Variants in ST8SIA4 observed in about 807,000 individuals in gnomAD.
ST8SIA4 encodes the protein ST8 alpha-N-acetyl-neuraminide alpha-2,8-sialyltransferase 4.
ST8SIA4 carries 15 observed loss-of-function variants against 33.9 expected under a neutral mutation model. The ratio of observed to expected loss-of-function variants is 0.44; its 90% CI spans 0.30 to 0.68. The LOEUF is 0.68. Among genes scored for constraint, ST8SIA4 ranks in the 30% least tolerant of loss-of-function variants. The probability of loss-of-function intolerance (pLI) is 0.10; values close to 1 mark genes in which losing one functional copy is unlikely to be tolerated. For missense variants in ST8SIA4, 321 were observed against 428.0 expected, an observed-to-expected ratio of 0.75 and a Z score of 2.21; for synonymous variants, 171 against 151.2, an observed-to-expected ratio of 1.13 and a Z score of -0.96.
rs187562582 is a variant in ST8SIA4 at position 100,866,171 on chromosome 5, T to C, written c.504-9775A>G. Among the ~76,000 whole-genome samples the C allele has an allele frequency of 2.2e-4, 33 of 152,288 alleles. No homozygotes were observed. In the East Asian group the frequency reaches 6.4e-3, roughly 29 times the overall value. On this transcript the variant is annotated intron_variant, in intron 3 of 4. Coordinates refer to ENST00000231461, the MANE Select transcript of ST8SIA4 (RefSeq NM_005668.6). ...TGACACAATGTTAACATAGTGTCTG[T>C]CTCTCAATGAATTTATCACACTGTG...
chr5:100,846,840 G>C (rs1300413765), intron 4 of ST8SIA4, among the ~76,000 whole-genome samples: 1 of 152,090 alleles, frequency 6.6e-6, no homozygotes, highest in East Asian at 1.9e-4. Flanking sequence ...GTTTTCCATA[G>C]GTTCCAGTTT....
At chr5:100,893,449 T>C (rs1273115089) in intron 2 of ST8SIA4, among the ~76,000 whole-genome samples, 1 of 152,152 alleles carries the variant, frequency 6.6e-6, no homozygotes, top group Non-Finnish European at 1.5e-5. Context: ...AGGAGAACCA[T>C]ACAAAAATAG....
At chr5:100,834,010 G>C (rs1410229473) in intron 4 of ST8SIA4, among the ~76,000 whole-genome samples, 2 of 152,112 alleles carry the variant, frequency 1.3e-5, no homozygotes, top group Admixed American at 6.5e-5. Context: ...TGTTGAATAA[G>C]TGAATGAAAG....
In ST8SIA4 at chr5:100,849,309, C is replaced by T. The variant is rs1038494512; in HGVS notation, c.797+6794G>A. On this transcript the variant is annotated intron_variant, in intron 4 of 4. Coordinates refer to ENST00000231461, the MANE Select transcript of ST8SIA4 (RefSeq NM_005668.6). ...TAAATCTGACACTCAAGGATTTAAA[C>T]AGTCTTGTCTAAAGTCAGAATAGGA... The T allele has an allele frequency of 7.9e-5, 78 of 985,352 alleles. No homozygotes were observed. The African/African-American group carries it at 1.3e-3, about 17-fold the overall frequency. 61.0% of individuals were successfully genotyped at this position (985,352 alleles called of 1,614,324 possible).
At chr5:100,900,437 T>C (rs771960270) in intron 1 of ST8SIA4, 5 of 456,264 alleles carry the variant, frequency 1.1e-5, no homozygotes, top group South Asian at 7.7e-5. Flanking sequence ...TTGATGGTTT[T>C]ATGAGTCAAC....
chr5:100,889,913 T>C (rs73777437), intron 2 of ST8SIA4, among the ~76,000 whole-genome samples: 3,924 of 151,938 alleles, frequency 0.026, 55 homozygotes, highest in African/African-American at 0.036. Context: ...CATAGACTAA[T>C]CAAAATATAA....
rs376655369 is a variant in ST8SIA4 at position 100,902,967 on chromosome 5, G to A, written c.-12C>T. On this transcript the variant is annotated 5_prime_UTR_variant, in exon 1 of 5. Coordinates refer to ENST00000231461, the MANE Select transcript of ST8SIA4 (RefSeq NM_005668.6). ...CTAATGGAGCGCATCTTGGGTGCCC[G>A]AGAAAGTCCTGGTTGCCCCAGCTCC... The A allele has an allele frequency of 6.5e-5, 104 of 1,607,260 alleles. No homozygotes were observed. In the African/African-American group the frequency reaches 1.3e-3, roughly 20 times the overall value.
chr5:100,824,558 C>T (rs1240186452), intron 4 of ST8SIA4, among the ~76,000 whole-genome samples: 5 of 151,748 alleles, frequency 3.3e-5, no homozygotes, highest in Non-Finnish European at 4.4e-5. Flanking sequence ...AAAAAAAAGG[C>T]TTTTTATTTT....
intron 4 of ST8SIA4, among the ~76,000 whole-genome samples, chr5:100,853,530 A>G (rs1463665665): frequency 6.6e-6 from 1 of 152,170 alleles, no homozygotes; most frequent in Admixed American, 6.5e-5. Context: ...ATAGTAACCA[A>G]AAAAAGCATA....
chr5:100,867,885 T>C (rs1752104593), intron 3 of ST8SIA4, among the ~76,000 whole-genome samples: 1 of 151,636 alleles, frequency 6.6e-6, no homozygotes, highest in African/African-American at 2.4e-5. Flanking sequence ...CAAAAATGAG[T>C]TTCAATTTCT....
At chr5:100,864,574 C>CAAAAAAAAAAAAAAAAAAAAAAAAAA (rs201029430) in intron 3 of ST8SIA4, among the ~76,000 whole-genome samples, 1 of 69,382 alleles carries the variant, frequency 1.4e-5, no homozygotes, top group Non-Finnish European at 2.6e-5. Context: ...GACTCCGGCT[C>CAAAAAAAAAAAAAAAAAAAAAAAAAA]AAAAAAAAAA....
At chr5:100,862,206 T>C (rs1387063045) in intron 3 of ST8SIA4, among the ~76,000 whole-genome samples, 1 of 152,102 alleles carries the variant, frequency 6.6e-6, no homozygotes, top group Non-Finnish European at 1.5e-5. Flanking sequence ...TTTGACTCCA[T>C]AGGCAGTGTG....
intron 2 of ST8SIA4, among the ~76,000 whole-genome samples, chr5:100,893,922 A>C (rs563733819): frequency 1.3e-5 from 2 of 152,062 alleles, no homozygotes; most frequent in African/African-American, 4.8e-5. Flanking sequence ...TTAATCACCT[A>C]TCTCTCTCTC....
chr5:100,857,568 A>G (rs995741973), intron 3 of ST8SIA4, among the ~76,000 whole-genome samples: 2 of 151,984 alleles, frequency 1.3e-5, no homozygotes, highest in Admixed American at 6.6e-5. Context: ...TTTCAAGGGA[A>G]GGGATTTTCT....
chr5:100,819,324 A>G (rs1156587988), intron 4 of ST8SIA4, among the ~76,000 whole-genome samples: 1 of 152,204 alleles, frequency 6.6e-6, no homozygotes, highest in East Asian at 1.9e-4. Context: ...TGGTTCCTAA[A>G]AGCATTCCCA....
intron 4 of ST8SIA4, among the ~76,000 whole-genome samples, chr5:100,841,354 A>G (rs990244186): frequency 1.3e-5 from 2 of 151,900 alleles, no homozygotes; most frequent in Admixed American, 6.6e-5. Flanking sequence ...TATGCAGTAT[A>G]TTGCTGAGGC....
rs1384642048 is a variant in ST8SIA4, at chr5:100,810,797, A to G, written c.*1050T>C. 6.6e-6 allele frequency: 1 copy of G among 152,548 alleles called. No homozygotes were observed. The highest frequency in any genetic ancestry group is 6.5e-5 in the Admixed American group (1 of 15,272). 9.4% of individuals were successfully genotyped at this position (152,548 alleles called of 1,614,324 possible). On this transcript the variant is annotated 3_prime_UTR_variant, in exon 5 of 5. Transcript: ENST00000231461. Reference sequence around the variant, plus strand: ...AACATCTTTCCTTTAGAATGGCCTAATATTACATAGTGGTTCACTTTAGCT... The same window carrying G: ...AACATCTTTCCTTTAGAATGGCCTAGTATTACATAGTGGTTCACTTTAGCT...
At chr5:100,813,141 G>A (rs182894915) in intron 4 of ST8SIA4, among the ~76,000 whole-genome samples, 4 of 151,872 alleles carry the variant, frequency 2.6e-5, no homozygotes, top group East Asian at 1.9e-4. Context: ...TTTAGATTTC[G>A]CATATTATTT....
chr5:100,860,728 GTT>G (rs1030741550), intron 3 of ST8SIA4, among the ~76,000 whole-genome samples: 2 of 152,194 alleles, frequency 1.3e-5, no homozygotes, highest in Non-Finnish European at 2.9e-5. Context: ...CAGGACAGGA[GTT>G]TTAACTGACA....
Sources: gnomAD v4.1 joint callset for allele counts (sites outside exome capture counted in the v4.1 genomes callset) on GRCh38, gnomAD v4.1.1 for gene constraint, MANE v1.5 for transcripts, NCBI Gene and HGNC (gene_info 2026-07-23, HGNC 2026-07-21) for gene names.